Variants in FOXK1 observed in about 807,000 individuals in gnomAD.
FOXK1 encodes the protein forkhead box K1.
Under a neutral mutation model 51.9 loss-of-function variants are expected in FOXK1, and 19 were observed. The ratio of observed to expected loss-of-function variants is 0.37; its 90% CI spans 0.26 to 0.54. The LOEUF is 0.54. Among genes scored for constraint, FOXK1 ranks in the 20% least tolerant of loss-of-function variants. The pLI is 0.87. For missense variants in FOXK1, 870 were observed against 1,032.7 expected (o/e 0.84, Z 2.16); for synonymous variants, 537 against 482.6 (o/e 1.11, Z -1.48).
intron 1 of FOXK1, among the ~76,000 whole-genome samples, chr7:4,698,700 G>T (rs1398325457): frequency 6.6e-6 from 1 of 152,064 alleles, no homozygotes; most frequent in Admixed American, 6.6e-5. Context: ...CTACAGGCAC[G>T]TGCCACCACG....
In FOXK1 at chr7:4,747,216, G is replaced by A. The variant is rs563988249; in HGVS notation, c.746+6193G>A. On this transcript the variant is annotated intron_variant, in intron 2 of 8. Transcript: ENST00000328914. This position sits in a 1 kb window ranked among gnomAD's most constrained non-coding sequence, Gnocchi z 9.2. ...GTGACAAGCGGCTTGTGTGGAGTAG[G>A]CCTGTTGCATGGCTTCTGTGCGGGC... is the stretch of plus-strand genomic sequence containing the variant. Among the ~76,000 whole-genome samples the A allele has an allele frequency of 3.9e-5, 6 of 152,312 alleles. No homozygotes were observed. The highest frequency in any genetic ancestry group is 6.5e-5 in the Admixed American group (1 of 15,292).
chr7:4,770,747 G>A lies in FOXK1; in HGVS notation c.*8283G>A, dbSNP rs866830891. 1.3e-5 allele frequency: 2 copies of A among 152,040 alleles called. No homozygotes were observed. Among genetic ancestry groups the A allele is most frequent in the Non-Finnish European group, 2.9e-5 (2 of 68,048 alleles). The allele number at this position is 152,040 out of a possible 1,614,324, so 9.4% of individuals were successfully genotyped here. A position where few individuals can be genotyped will look rare whatever the true frequency, so the allele number is the denominator to read the frequency against. On this transcript the variant is annotated 3_prime_UTR_variant, in exon 9 of 9. Coordinates refer to ENST00000328914, the MANE Select transcript of FOXK1 (RefSeq NM_001037165.2). ...ACGTGCCCTGCAGATGACAAAGGCC[G>A]GCAGCTCAGCACACGTGCAGGAGGG...
At chr7:4,688,178 C>T (rs1253048234) in intron 1 of FOXK1, among the ~76,000 whole-genome samples, 4 of 149,644 alleles carry the variant, frequency 2.7e-5, no homozygotes, top group African/African-American at 4.9e-5. Flanking sequence ...CTTTCCCCCT[C>T]GCCCCAGTTC....
At position 4,734,564 on chromosome 7, in the gene FOXK1, AC is replaced by A. The variant is rs888925647; in HGVS notation, c.561-6267del. ...TGGAAGGGGAGGTGCCCCCCGGCCC[AC>A]CCCCCCGCTGCCCAAGTGTGCGTGG... On this transcript the variant is annotated intron_variant, in intron 1 of 8. Transcript: ENST00000328914. The surrounding 1 kb of genome is among the most constrained non-coding windows in gnomAD (Gnocchi z 5.2). Among the ~76,000 whole-genome samples, 14 of 149,768 alleles carry A rather than the reference AC, an allele frequency of 9.3e-5. No individual in the cohort carries two copies. The highest frequency in any genetic ancestry group is 3.2e-4 in the African/African-American group (13 of 40,544).
At chr7:4,718,361 G>C (rs550863257) in intron 1 of FOXK1, among the ~76,000 whole-genome samples, 6 of 152,202 alleles carry the variant, frequency 3.9e-5, no homozygotes, top group Non-Finnish European at 7.3e-5. Context: ...CAGGCCTGTC[G>C]TTATGAGAAG....
In FOXK1 at chr7:4,761,360, A is replaced by G. The variant is rs1780930693; in HGVS notation, c.1921+72A>G. 7.0e-7 allele frequency: 1 copy of G among 1,422,514 alleles called. No individual in the cohort carries two copies. Among genetic ancestry groups the G allele is most frequent in the Admixed American group, 1.9e-5 (1 of 52,142 alleles). 88.1% of individuals were successfully genotyped at this position (1,422,514 alleles called of 1,614,324 possible). On this transcript the variant is annotated intron_variant, in intron 8 of 8. Coordinates refer to ENST00000328914, the MANE Select transcript of FOXK1 (RefSeq NM_001037165.2). The surrounding 1 kb of genome is among the most constrained non-coding windows in gnomAD (Gnocchi z 6.2). ...CTCCCAGTAGTCAGTGCGGCATGAG[A>G]ATGTTCTCCCAGTATCTCCCGATCC...
chr7:4,694,788 G>T (rs1779932612), intron 1 of FOXK1, among the ~76,000 whole-genome samples: 1 of 152,204 alleles, frequency 6.6e-6, no homozygotes, highest in Non-Finnish European at 1.5e-5. Context: ...TGTCAGCAGA[G>T]ACCGTCTCAT....
rs1018584747 is a variant in FOXK1 at position 4,762,021 on chromosome 7, G to A, written c.1922-163G>A. On this transcript the variant is annotated intron_variant, in intron 8 of 8. Coordinates refer to ENST00000328914, the MANE Select transcript of FOXK1 (RefSeq NM_001037165.2). The surrounding 1 kb of genome is among the most constrained non-coding windows in gnomAD (Gnocchi z 5.7). ...AGGGCAGATGAGGTGGGGAGGGGAC[G>A]GCAGGGCCCGCAGGGAGCAGAGCAA... is the stretch of plus-strand genomic sequence containing the variant. 6.6e-6 allele frequency among the ~76,000 whole-genome samples: 1 copy of A among 152,100 alleles called. No homozygotes were observed. Among genetic ancestry groups the A allele is most frequent in the South Asian group, 2.1e-4 (1 of 4,832 alleles).
intron 1 of FOXK1, among the ~76,000 whole-genome samples, chr7:4,690,544 C>T (rs1427774858): frequency 6.6e-6 from 1 of 152,246 alleles, no homozygotes; most frequent in African/African-American, 2.4e-5. Context: ...ATTTTTTGGG[C>T]TTGCCGCCCA....
At position 4,703,990 on chromosome 7, in the gene FOXK1, C is replaced by T. The variant is rs895186985; in HGVS notation, c.560+21122C>T. On this transcript the variant is annotated intron_variant, in intron 1 of 8. Transcript: ENST00000328914. This position sits in a 1 kb window ranked among gnomAD's most constrained non-coding sequence, Gnocchi z 5.6. ...ACCCCTACGTGTGGAAAACTGGCTACCGCATGCTTAACAAAATAACTTGGG... is the reference window on the plus strand; with the variant it reads ...ACCCCTACGTGTGGAAAACTGGCTATCGCATGCTTAACAAAATAACTTGGG... Among the ~76,000 whole-genome samples the T allele has an allele frequency of 1.3e-5, 2 of 152,192 alleles. No individual in the cohort carries two copies. Among genetic ancestry groups the T allele is most frequent in the Non-Finnish European group, 2.9e-5 (2 of 68,042 alleles).
intron 1 of FOXK1, among the ~76,000 whole-genome samples, chr7:4,717,580 G>A (rs1194036767): frequency 1.3e-5 from 2 of 152,084 alleles, no homozygotes; most frequent in Non-Finnish European, 2.9e-5. Context: ...CAAGTGTCTG[G>A]GCTGCGTAGC....
chr7:4,686,358 G>A (rs539871672), intron 1 of FOXK1, among the ~76,000 whole-genome samples: 1 of 152,264 alleles, frequency 6.6e-6, no homozygotes, highest in South Asian at 2.1e-4. Flanking sequence ...CACTCAGGAA[G>A]GATGCCAGAA....
rs1780622854 is a variant in FOXK1, at chr7:4,740,767, A to G, written c.561-71A>G. On this transcript the variant is annotated intron_variant, in intron 1 of 8. Transcript: ENST00000328914. ...CAGTTACTTAGACACACAGACACGC[A>G]CCTTCCCTGGGTGTTGGCGTCTTCT... 3 of 1,482,950 alleles carry G rather than the reference A, an allele frequency of 2.0e-6. No homozygotes were observed. The Admixed American group carries it at 6.9e-5, about 34-fold the overall frequency. 91.9% of individuals were successfully genotyped at this position (1,482,950 alleles called of 1,614,324 possible).
chr7:4,693,006 C>T (rs1228135229), intron 1 of FOXK1, among the ~76,000 whole-genome samples: 1 of 152,126 alleles, frequency 6.6e-6, no homozygotes, highest in African/African-American at 2.4e-5. Context: ...CTTAAGTCAT[C>T]CTCTGCTATA....
rs17135086 is a variant in FOXK1 at position 4,765,745 on chromosome 7, C to G, written c.*3281C>G. ...CCAGTAACCCGCTTCTGTCTCCTGA[C>G]TCCTGCTGGATAAATTGCCAGGTTT... On this transcript the variant is annotated 3_prime_UTR_variant, in exon 9 of 9. Transcript: ENST00000328914. 1 of 152,254 alleles carries G rather than the reference C, an allele frequency of 6.6e-6. No individual in the cohort carries two copies. Among genetic ancestry groups the G allele is most frequent in the Non-Finnish European group, 1.5e-5 (1 of 68,098 alleles). The allele number at this position is 152,254 out of a possible 1,614,324, so 9.4% of individuals were successfully genotyped here. A position where few individuals can be genotyped will look rare whatever the true frequency, so the allele number is the denominator to read the frequency against.
At position 4,722,553 on chromosome 7, in the gene FOXK1, C is replaced by T. The variant is rs994694585; in HGVS notation, c.561-18285C>T. Among the ~76,000 whole-genome samples the T allele has an allele frequency of 3.9e-5, 6 of 152,216 alleles. No individual in the cohort carries two copies. Among genetic ancestry groups the T allele is most frequent in the South Asian group, 2.1e-4 (1 of 4,830 alleles). Reference sequence around the variant, plus strand: ...GACGGGTACACTCGTGCCTGTTAACCGCACACCTGCGTGCAGCACGGGCAC... The same window carrying T: ...GACGGGTACACTCGTGCCTGTTAACTGCACACCTGCGTGCAGCACGGGCAC... On this transcript the variant is annotated intron_variant, in intron 1 of 8. Transcript: ENST00000328914. The surrounding 1 kb of genome is among the most constrained non-coding windows in gnomAD (Gnocchi z 5.1).
intron 1 of FOXK1, among the ~76,000 whole-genome samples, chr7:4,721,206 C>G (rs1035656364): frequency 2.6e-5 from 4 of 152,220 alleles, no homozygotes; most frequent in African/African-American, 9.6e-5. Flanking sequence ...CTCAATGCAG[C>G]AGCTCAGACT....
rs749458058 is a variant in FOXK1, at chr7:4,759,264, G to C, written c.1411+47G>C. The C allele has an allele frequency of 4.9e-5, 78 of 1,606,224 alleles. 1 individual carries two copies. Among genetic ancestry groups the C allele is most frequent in the Admixed American group, 5.0e-5 (3 of 59,880 alleles). ...TGCGGGGCGGGGCGGGGCGGGACTC[G>C]TGGGGGTGCGGGAGGGGTCACCGTC... On this transcript the variant is annotated intron_variant, in intron 6 of 8. Coordinates refer to ENST00000328914, the MANE Select transcript of FOXK1 (RefSeq NM_001037165.2).
Position 4,723,896 on chromosome 7 carries a change from C to T in FOXK1, c.561-16942C>T, listed in dbSNP as rs2115049658. 6.6e-6 allele frequency among the ~76,000 whole-genome samples: 1 copy of T among 152,330 alleles called. No homozygotes were observed. Reference sequence around the variant, plus strand: ...ATGTTGCCCAGGCCGGTCTCGACCTCCTAGGCTCAAGCGATCCTCCTACCT... The same window carrying T: ...ATGTTGCCCAGGCCGGTCTCGACCTTCTAGGCTCAAGCGATCCTCCTACCT... On this transcript the variant is annotated intron_variant, in intron 1 of 8. Transcript: ENST00000328914. The surrounding 1 kb of genome is among the most constrained non-coding windows in gnomAD (Gnocchi z 4.7).
Sources: allele counts gnomAD v4.1 joint callset (sites outside exome capture counted in the v4.1 genomes callset), GRCh38; gene constraint gnomAD v4.1.1; non-coding constraint Gnocchi (gnomAD v3.1); transcripts MANE v1.5; gene names NCBI Gene and HGNC (gene_info 2026-07-23, HGNC 2026-07-21).